Variants in PSMA6 observed in about 807,000 individuals in gnomAD.
PSMA6 encodes proteasome subunit alpha type-6.
For missense variants in PSMA6, 170 were observed against 294.8 expected, an observed-to-expected ratio of 0.58 and a Z score of 3.10; for synonymous variants, 88 against 97.7, an observed-to-expected ratio of 0.90 and a Z score of 0.59.
chr14:35,289,159 C>A (rs2051451132), upstream of PSMA6, among the ~76,000 whole-genome samples: 1 of 152,172 alleles, frequency 6.6e-6, no homozygotes, highest in African/African-American at 2.4e-5. Flanking sequence ...GATGAACTAA[C>A]TCCCACACCA....
chr14:35,300,163 G>T (rs961279272), intron 1 of PSMA6, among the ~76,000 whole-genome samples: 4 of 152,132 alleles, frequency 2.6e-5, no homozygotes, highest in Admixed American at 2.0e-4. Flanking sequence ...AATAATAGGA[G>T]AGTTGAGTGT....
At position 35,307,978 on chromosome 14, in the gene PSMA6, C is replaced by T. The variant is rs369396667; in HGVS notation, c.77-16C>T. On this transcript the variant is annotated splice_polypyrimidine_tract_variant and intron_variant, in intron 1 of 6. Transcript: ENST00000261479. ...GTAATTTATTCCAACTTAAAAAAAA[C>T]TGTTCTGTTTTCCAGAATATGCTTT... 2.5e-5 allele frequency: 40 copies of T among 1,609,724 alleles called. No individual in the cohort carries two copies. The highest frequency in any genetic ancestry group is 3.3e-5 in the Non-Finnish European group (39 of 1,177,310).
At chr14:35,308,814 C>A in intron 2 of PSMA6, 100 bp from the exon 3 acceptor site, 1 of 802,186 alleles carries the variant, frequency 1.2e-6, no homozygotes, top group Non-Finnish European at 2.1e-6. Flanking sequence ...GTATTGTTTT[C>A]TCCAAGAAGC....
intron 1 of PSMA6, among the ~76,000 whole-genome samples, chr14:35,300,871 T>C (rs180776374): frequency 1.3e-5 from 2 of 152,200 alleles, no homozygotes; most frequent in Non-Finnish European, 2.9e-5. Flanking sequence ...GAGTGGTTAG[T>C]AATACAATTA....
At chr14:35,307,425 A>G (rs181107017) in intron 1 of PSMA6, among the ~76,000 whole-genome samples, 289 of 152,318 alleles carry the variant, frequency 1.9e-3, no homozygotes, top group Middle Eastern at 3.4e-3. Flanking sequence ...ATGCAGTATG[A>G]TAAAAATTAA....
intron 1 of PSMA6, among the ~76,000 whole-genome samples, chr14:35,302,232 G>A (rs1180181680): frequency 6.6e-6 from 1 of 151,980 alleles, no homozygotes; most frequent in Non-Finnish European, 1.5e-5. Context: ...TTTTTCTCTT[G>A]TTGTCTGTTA....
upstream of PSMA6, among the ~76,000 whole-genome samples, chr14:35,290,162 C>T (rs2051462490): frequency 6.6e-6 from 1 of 152,064 alleles, no homozygotes; most frequent in African/African-American, 2.4e-5. Flanking sequence ...AGAGAAGATC[C>T]AGTTCCAGAG....
chr14:35,288,512 AAAC>A (rs539252937), upstream of PSMA6, among the ~76,000 whole-genome samples: 138 of 152,234 alleles, frequency 9.1e-4, no homozygotes, highest in African/African-American at 2.6e-3. Flanking sequence ...AATAAGCCAA[AAAC>A]AACAACAACA....
chr14:35,280,135 A>C (rs1434130063), intron 1 of PSMA6, among the ~76,000 whole-genome samples: 2 of 150,300 alleles, frequency 1.3e-5, no homozygotes, highest in Non-Finnish European at 3.0e-5. Context: ...CGTCTCAAAA[A>C]AAAAAAAAAG....
At chr14:35,310,135 A>G (rs1293157128) in intron 3 of PSMA6, 1 of 411,360 alleles carries the variant, frequency 2.4e-6, no homozygotes, top group Admixed American at 3.1e-5. Context: ...AAAAAAAATG[A>G]AAAACTAATT....
In PSMA6 at chr14:35,309,891, G is replaced by T. The variant is rs141474428; in HGVS notation, c.254-849G>T. On this transcript the variant is annotated intron_variant, in intron 3 of 6. Coordinates refer to ENST00000261479, the MANE Select transcript of PSMA6 (RefSeq NM_002791.3). ...GGAGGCTGAGGCAGGAGAATCGCTTGAACCCGGGAGGTAGAGGTTGCAGTG... is the reference window on the plus strand; with the variant it reads ...GGAGGCTGAGGCAGGAGAATCGCTTTAACCCGGGAGGTAGAGGTTGCAGTG... Among the ~76,000 whole-genome samples, 498 of 152,232 alleles carry T rather than the reference G, an allele frequency of 3.3e-3. 3 individuals carry two copies. The highest frequency in any genetic ancestry group is 0.01 in the African/African-American group (434 of 41,544).
intron 1 of PSMA6, among the ~76,000 whole-genome samples, chr14:35,280,148 T>A (rs1206147771): frequency 5.1e-5 from 7 of 137,472 alleles, no homozygotes; most frequent in African/African-American, 1.6e-4. Flanking sequence ...AAAAAAAGAA[T>A]GTATTTTTCG....
upstream of PSMA6, chr14:35,278,627 C>T: frequency 6.7e-7 from 1 of 1,492,290 alleles, no homozygotes; most frequent in South Asian, 1.2e-5. Flanking sequence ...TCTGCTGGAG[C>T]AGGGTAGTGT....
upstream of PSMA6, among the ~76,000 whole-genome samples, chr14:35,288,854 G>C (rs976797300): frequency 1.3e-5 from 2 of 152,272 alleles, no homozygotes; most frequent in African/African-American, 4.8e-5. Context: ...GACTGCTTAA[G>C]CCAAGCTTGT....
rs780572256 is a variant in PSMA6, at chr14:35,314,390, A to G, written c.618A>G (p.Leu206=). The G allele has an allele frequency of 1.5e-5, 24 of 1,611,690 alleles. No homozygotes were observed. Among genetic ancestry groups the G allele is most frequent in the African/African-American group, 1.1e-4 (8 of 74,898 alleles). The change falls in exon 6 of 7, where the codon CTA becomes CTG. Residue 206 remains leucine (L), a synonymous_variant. Coordinates refer to ENST00000261479, the MANE Select transcript of PSMA6 (RefSeq NM_002791.3). Reference sequence around the variant, plus strand: ...CAATTACATGCCTGTCTACTGTTCTATCAATTGATTTCAAACCTTCAGAAA... The same window carrying G: ...CAATTACATGCCTGTCTACTGTTCTGTCAATTGATTTCAAACCTTCAGAAA... The part of the protein sequence containing the change: ...ETAITCLSTV[L]SIDFKPSEIE...
chr14:35,297,967 A>G (rs2051631601), intron 1 of PSMA6, among the ~76,000 whole-genome samples: 1 of 152,192 alleles, frequency 6.6e-6, no homozygotes, highest in Non-Finnish European at 1.5e-5. Flanking sequence ...ATACAAAATA[A>G]CTGTTGATAC....
At position 35,312,990 on chromosome 14, in the gene PSMA6, T is replaced by A. The variant is rs756310583; in HGVS notation, c.519T>A (p.Thr173=). The A allele has an allele frequency of 1.9e-6, 3 of 1,582,176 alleles. No homozygotes were observed. The South Asian group carries it at 3.5e-5, about 19-fold the overall frequency. The change falls in exon 5 of 7, where the codon ACT becomes ACA. Residue 173 remains threonine, a synonymous_variant. Transcript: ENST00000261479. The part of the protein sequence containing the change: ...FKATAAGVKQ[T]ESTSFLEKKV... ...CCACTGCAGCGGGAGTTAAACAAAC[T>A]GAGTCAACCAGCTTCCTTGAAAAAA...
At chr14:35,315,583 G>A (rs1023828015) in intron 6 of PSMA6, 3 of 145,210 alleles carry the variant, frequency 2.1e-5, no homozygotes, top group East Asian at 2.3e-4. Context: ...AAAAACAACC[G>A]ACAACACCAA....
At chr14:35,305,060 A>G (rs1316841339) in intron 1 of PSMA6, among the ~76,000 whole-genome samples, 1 of 152,182 alleles carries the variant, frequency 6.6e-6, no homozygotes, top group African/African-American at 2.4e-5. Flanking sequence ...GTGACAGAGC[A>G]AGATGCTGTC....
Sources: allele counts gnomAD v4.1 joint callset (sites outside exome capture counted in the v4.1 genomes callset), GRCh38; gene constraint gnomAD v4.1.1; transcripts MANE v1.5; gene names NCBI Gene and HGNC (gene_info 2026-07-23, HGNC 2026-07-21).